Variants in ARID5A observed in about 807,000 individuals in gnomAD.
ARID5A encodes AT-rich interaction domain 5A.
Under a neutral mutation model 30.5 loss-of-function variants are expected in ARID5A, and 14 were observed. The ratio of observed to expected loss-of-function variants is 0.46; its 90% CI spans 0.30 to 0.72. ARID5A has a LOEUF of 0.72. ARID5A is among the 30% of genes least tolerant of loss of function. ARID5A has a pLI of 0.07. For synonymous variants in ARID5A, 338 were observed against 340.4 expected (o/e 0.99, Z 0.08); for missense variants, 669 against 786.2 (o/e 0.85, Z 1.78).
At chr2:96,542,734 A>G (rs1360304757) in intron 1 of ARID5A, among the ~76,000 whole-genome samples, 1 of 152,190 alleles carries the variant, frequency 6.6e-6, no homozygotes, top group Non-Finnish European at 1.5e-5. Flanking sequence ...CAAGGGTCAC[A>G]TAGCAAGTCT....
chr2:96,547,916 C>T (rs1025809024), intron 2 of ARID5A, among the ~76,000 whole-genome samples: 2 of 152,224 alleles, frequency 1.3e-5, no homozygotes, highest in African/African-American at 2.4e-5. Context: ...GGAGCACAGT[C>T]GGCCCCGGCT....
chr2:96,544,423 C>CT (rs199748519), intron 1 of ARID5A, among the ~76,000 whole-genome samples: 15 of 152,304 alleles, frequency 9.8e-5, no homozygotes, highest in African/African-American at 3.4e-4. Flanking sequence ...GTACTGGTGA[C>CT]TTTAAGTTGA....
intron 1 of ARID5A, among the ~76,000 whole-genome samples, chr2:96,545,419 G>GTGC (rs2065911582): frequency 6.6e-6 from 1 of 152,036 alleles, no homozygotes; most frequent in Non-Finnish European, 1.5e-5. Context: ...GGCCCCCAAA[G>GTGC]TGCTGGGATT....
rs1045315925 is a variant in ARID5A at position 96,551,659 on chromosome 2, A to G, written c.1131A>G (p.Lys377=). ...GGGTGCTATTGGGGCCTCCTGGCAA[A>G]GAGGGGCTGTCAGTGAAAGAGCCCC... is the stretch of plus-strand genomic sequence containing the variant. ...KDGVLLGPPG[K]EGLSVKEPQL... The change falls in exon 7 of 7, where the codon AAA becomes AAG. Residue 377 remains lysine, a synonymous_variant. Transcript: ENST00000357485. 2.0e-6 allele frequency: 3 copies of G among 1,523,746 alleles called. No homozygotes were observed. In the African/African-American group the frequency reaches 4.2e-5, roughly 21 times the overall value. The allele number at this position is 1,523,746 out of a possible 1,614,324, so 94.4% of individuals were successfully genotyped here.
chr2:96,549,239 C>G lies in ARID5A; in HGVS notation c.121-82C>G. The G allele has an allele frequency of 6.4e-7, 1 of 1,562,670 alleles. No individual in the cohort carries two copies. The highest frequency in any genetic ancestry group is 1.2e-5 in the South Asian group (1 of 83,496). On this transcript the variant is annotated intron_variant, in intron 2 of 6. Coordinates refer to ENST00000357485, the MANE Select transcript of ARID5A (RefSeq NM_212481.3). The surrounding 1 kb of genome is among the most constrained non-coding windows in gnomAD (Gnocchi z 6.1). ...GGGTTGGGGTAGGTACCTTATTCCT[C>G]CTGCAGCCAGTGGTTTCTGCACATC...
At chr2:96,542,217 C>G (rs937312800) in intron 1 of ARID5A, among the ~76,000 whole-genome samples, 1 of 152,166 alleles carries the variant, frequency 6.6e-6, no homozygotes, top group African/African-American at 2.4e-5. Flanking sequence ...GGGGAGAGGA[C>G]TCTCCCTTCT....
Position 96,539,379 on chromosome 2 carries a change from C to A in ARID5A, c.4+2549C>A, listed in dbSNP as rs1297366046. 3.3e-5 allele frequency among the ~76,000 whole-genome samples: 5 copies of A among 152,202 alleles called. No homozygotes were observed. Among genetic ancestry groups the A allele is most frequent in the Non-Finnish European group, 7.3e-5 (5 of 68,036 alleles). ...CCCCGCATCCACCCACTGCCTGGCC[C>A]CATAGCTACCTTCTAGTCCTGGCTA... On this transcript the variant is annotated intron_variant, in intron 1 of 6. Coordinates refer to ENST00000357485, the MANE Select transcript of ARID5A (RefSeq NM_212481.3). The surrounding 1 kb of genome is among the most constrained non-coding windows in gnomAD (Gnocchi z 4.7).
chr2:96,550,524 G>C lies in ARID5A; in HGVS notation c.411-50G>C, dbSNP rs748802848. On this transcript the variant is annotated intron_variant, in intron 5 of 6. Coordinates refer to ENST00000357485, the MANE Select transcript of ARID5A (RefSeq NM_212481.3). The surrounding 1 kb of genome is among the most constrained non-coding windows in gnomAD (Gnocchi z 6.6). Reference sequence around the variant, plus strand: ...CTCAGAGGAGGCTACAGAGGCCCAGGGAGGGGATGGGCGCCGGCCTCCTGG... The same window carrying C: ...CTCAGAGGAGGCTACAGAGGCCCAGCGAGGGGATGGGCGCCGGCCTCCTGG... 7.1e-6 allele frequency: 11 copies of C among 1,543,064 alleles called. No homozygotes were observed. The highest frequency in any genetic ancestry group is 2.0e-4 in the Middle Eastern group (1 of 5,122).
At chr2:96,547,739 C>T (rs927308585) in intron 2 of ARID5A, among the ~76,000 whole-genome samples, 1 of 152,178 alleles carries the variant, frequency 6.6e-6, no homozygotes, top group African/African-American at 2.4e-5. Flanking sequence ...AGATGACCTA[C>T]CACCCTGATC....
At chr2:96,547,653 G>A (rs1019323969) in intron 2 of ARID5A, 136 bp downstream of exon 2, 1 of 736,874 alleles carries the variant, frequency 1.4e-6, no homozygotes, top group Non-Finnish European at 2.2e-6. Flanking sequence ...CTGCCCAGCA[G>A]CCAGGGGACT....
intron 1 of ARID5A, among the ~76,000 whole-genome samples, chr2:96,546,676 C>T (rs1245692209): frequency 6.6e-6 from 1 of 152,216 alleles, no homozygotes; most frequent in Non-Finnish European, 1.5e-5. Context: ...CAGAGGAAGG[C>T]ACTTGTCAGC....
At position 96,537,625 on chromosome 2, in the gene ARID5A, C is replaced by CT. The variant is rs2065762405; in HGVS notation, c.4+796dup. Reference sequence around the variant, plus strand: ...GTCTGCAGAAGGGACGGGGTGGCGGCTGGGGAGCGTCAGGGGAAGAGGGCA... The same window carrying CT: ...GTCTGCAGAAGGGACGGGGTGGCGGCTTGGGGAGCGTCAGGGGAAGAGGGCA... On this transcript the variant is annotated intron_variant, in intron 1 of 6. Coordinates refer to ENST00000357485, the MANE Select transcript of ARID5A (RefSeq NM_212481.3). This position sits in a 1 kb window ranked among gnomAD's most constrained non-coding sequence, Gnocchi z 4.8. 6.5e-6 allele frequency: 1 copy of CT among 153,074 alleles called. No homozygotes were observed. The highest frequency in any genetic ancestry group is 2.1e-4 in the South Asian group (1 of 4,854). 9.5% of individuals were successfully genotyped at this position (153,074 alleles called of 1,614,324 possible). A position where few individuals can be genotyped will look rare whatever the true frequency, so the allele number is the denominator to read the frequency against.
chr2:96,547,591 A>C, intron 2 of ARID5A, 74 bp downstream of exon 2: 3 of 1,368,492 alleles, frequency 2.2e-6, no homozygotes, highest in Non-Finnish European at 3.1e-6. Flanking sequence ...CCTCCAGGTG[A>C]ACCTGGACAC....
intron 1 of ARID5A, 21 bp from the exon 2 acceptor site, chr2:96,547,381 T>C (rs774206679): frequency 6.2e-7 from 1 of 1,605,882 alleles, no homozygotes. Context: ...TCCTCCTTAC[T>C]CCTTCCCTCT....
intron 1 of ARID5A, 48 bp downstream of exon 1, chr2:96,536,878 A>G: frequency 2.4e-6 from 3 of 1,224,572 alleles, no homozygotes; most frequent in East Asian, 3.2e-5. Context: ...GCGGCCCTGC[A>G]GGGAGGTTCA....
chr2:96,541,664 A>G (rs2065847588), intron 1 of ARID5A, among the ~76,000 whole-genome samples: 1 of 152,248 alleles, frequency 6.6e-6, no homozygotes, highest in Admixed American at 6.5e-5. Context: ...ATGTGTTACA[A>G]GTGAGTAATG....
At position 96,550,143 on chromosome 2, in the gene ARID5A, C is replaced by T. The variant is rs1202853675; in HGVS notation, c.313-45C>T. The T allele has an allele frequency of 6.5e-7, 1 of 1,530,712 alleles. No homozygotes were observed. Among genetic ancestry groups the T allele is most frequent in the South Asian group, 1.2e-5 (1 of 83,662 alleles). The allele number at this position is 1,530,712 out of a possible 1,614,324, so 94.8% of individuals were successfully genotyped here. On this transcript the variant is annotated intron_variant, in intron 4 of 6. Transcript: ENST00000357485. The surrounding 1 kb of genome is among the most constrained non-coding windows in gnomAD (Gnocchi z 6.6). The stretch of plus-strand genomic sequence containing the variant: ...GGCCGGAGCTGCAAGGACCCCGCCG[C>T]CAGGGGGCGCCCGCCGGCCGCGCCC...
At chr2:96,541,736 G>A (rs2065848894) in intron 1 of ARID5A, among the ~76,000 whole-genome samples, 2 of 152,248 alleles carry the variant, frequency 1.3e-5, no homozygotes, top group African/African-American at 2.4e-5. Flanking sequence ...AAGTCTGGAT[G>A]ACATTCTTAT....
At position 96,549,232 on chromosome 2, in the gene ARID5A, T is replaced by C; in HGVS notation, c.121-89T>C. The C allele has an allele frequency of 6.4e-7, 1 of 1,552,832 alleles. No individual in the cohort carries two copies. The highest frequency in any genetic ancestry group is 8.7e-7 in the Non-Finnish European group (1 of 1,150,302). ...GAAACTGGGGTTGGGGTAGGTACCTTATTCCTCCTGCAGCCAGTGGTTTCT... is the reference window on the plus strand; with the variant it reads ...GAAACTGGGGTTGGGGTAGGTACCTCATTCCTCCTGCAGCCAGTGGTTTCT... On this transcript the variant is annotated intron_variant, in intron 2 of 6. Transcript: ENST00000357485. The surrounding 1 kb of genome is among the most constrained non-coding windows in gnomAD (Gnocchi z 6.1).
Sources: gnomAD v4.1 joint callset for allele counts (sites outside exome capture counted in the v4.1 genomes callset) on GRCh38, gnomAD v4.1.1 for gene constraint, Gnocchi (gnomAD v3.1) non-coding constraint, MANE v1.5 for transcripts, NCBI Gene and HGNC (gene_info 2026-07-23, HGNC 2026-07-21) for gene names.